NBEA: variants seen among roughly 807,000 people sequenced by gnomAD.
NBEA encodes neurobeachin, also known as lysosomal-trafficking regulator 2.
Under a neutral mutation model 343.4 loss-of-function variants are expected in NBEA, and 44 were observed. The ratio of observed to expected loss-of-function variants is 0.13; its 90% CI spans 0.10 to 0.16. The LOEUF (loss-of-function observed/expected upper bound fraction) is 0.16, where lower values mean the gene tolerates loss of function less well. Among genes scored for constraint, NBEA ranks in the 10% least tolerant of loss-of-function variants. The pLI, the probability that NBEA is intolerant of heterozygous loss-of-function variation, is 1.00. For missense variants in NBEA, 2,555 were observed against 3,631.3 expected (o/e 0.70, Z 7.62); for synonymous variants, 1,175 against 1,238.7 (o/e 0.95, Z 1.08).
intron 1 of NBEA, among the ~76,000 whole-genome samples, chr13:34,994,698 CTTG>C (rs2060880111): frequency 6.6e-6 from 1 of 152,120 alleles, no homozygotes; most frequent in Admixed American, 6.5e-5. Context: ...CACCAGGTAA[CTTG>C]TTGATAAGTT....
At chr13:35,563,984 G>C (rs2080012305) in intron 44 of NBEA, among the ~76,000 whole-genome samples, 1 of 151,892 alleles carries the variant, frequency 6.6e-6, no homozygotes, top group Non-Finnish European at 1.5e-5. Context: ...TTGTCACCCA[G>C]GTGATAAGCA....
At chr13:35,572,966 T>C (rs1489859792) in intron 45 of NBEA, among the ~76,000 whole-genome samples, 2 of 152,208 alleles carry the variant, frequency 1.3e-5, no homozygotes, top group East Asian at 3.8e-4. Flanking sequence ...GCAAAACTAC[T>C]AGGTGTGTTA....
chr13:35,601,792 A>AG (rs2082067662), intron 47 of NBEA, among the ~76,000 whole-genome samples: 1 of 149,074 alleles, frequency 6.7e-6, no homozygotes, highest in Non-Finnish European at 1.5e-5. Flanking sequence ...AAAAGAAAAA[A>AG]AAAAAGAATG....
At chr13:34,950,798 G>T (rs1336549932) in intron 1 of NBEA, among the ~76,000 whole-genome samples, 2 of 152,002 alleles carry the variant, frequency 1.3e-5, no homozygotes, top group Non-Finnish European at 2.9e-5. Context: ...TGATTAAAAA[G>T]AAATGACCAG....
intron 39 of NBEA, among the ~76,000 whole-genome samples, chr13:35,445,782 T>TTATATATATATATATATATA (rs71081255): frequency 3.5e-5 from 4 of 113,234 alleles, no homozygotes; most frequent in Admixed American, 1.1e-4. Flanking sequence ...ATATAAATGT[T>TTATATATATATATATATATA]TATATATATA....
chr13:35,188,470 A>G (rs145671463), intron 30 of NBEA, among the ~76,000 whole-genome samples: 16 of 152,280 alleles, frequency 1.1e-4, no homozygotes, highest in African/African-American at 1.4e-4. Context: ...AAGATTCCCT[A>G]TATAAGTAAA....
At chr13:35,659,368 T>C (rs572324509) in intron 55 of NBEA, among the ~76,000 whole-genome samples, 72 of 152,334 alleles carry the variant, frequency 4.7e-4, no homozygotes, top group Non-Finnish European at 9.4e-4. Flanking sequence ...CACTAAAATC[T>C]TCTCAAGATA....
intron 1 of NBEA, among the ~76,000 whole-genome samples, chr13:34,987,094 T>A (rs2060576656): frequency 6.6e-6 from 1 of 151,138 alleles, no homozygotes; most frequent in South Asian, 2.1e-4. Context: ...ATGCAGTTTC[T>A]TCCTAGCATT....
chr13:35,097,133 T>G (rs919461483), intron 10 of NBEA, among the ~76,000 whole-genome samples: 1 of 151,932 alleles, frequency 6.6e-6, no homozygotes, highest in Non-Finnish European at 1.5e-5. Context: ...GTTCTTGTTA[T>G]GAGAACATTT....
At chr13:35,046,491 T>C (rs1279109492) in intron 4 of NBEA, among the ~76,000 whole-genome samples, 1 of 152,112 alleles carries the variant, frequency 6.6e-6, no homozygotes, top group Non-Finnish European at 1.5e-5. Context: ...TCCCGCCTTA[T>C]CCATGGGGTA....
intron 34 of NBEA, among the ~76,000 whole-genome samples, chr13:35,283,845 TGTAAA>T (rs1204243720): frequency 6.6e-6 from 1 of 152,182 alleles, no homozygotes; most frequent in Non-Finnish European, 1.5e-5. Context: ...GTTTCAGAAT[TGTAAA>T]GTATCATGGA....
At chr13:35,416,496 T>C (rs540744490) in intron 38 of NBEA, among the ~76,000 whole-genome samples, 1 of 152,298 alleles carries the variant, frequency 6.6e-6, no homozygotes, top group Non-Finnish European at 1.5e-5. Flanking sequence ...GAGATAATCA[T>C]GTGGTTTTTG....
chr13:35,184,150 C>A (rs17051909), intron 30 of NBEA, 79 bp downstream of exon 30: 91,053 of 1,041,124 alleles, frequency 0.087, 4,778 homozygotes, highest in African/African-American at 0.17. Context: ...TCATGATATA[C>A]TTGTTTATAA....
At chr13:35,223,950 C>T (rs1337005969) in intron 33 of NBEA, among the ~76,000 whole-genome samples, 3 of 152,288 alleles carry the variant, frequency 2.0e-5, no homozygotes, top group South Asian at 2.1e-4. Flanking sequence ...TAGCATAATT[C>T]GGTTCTGTAT....
intron 41 of NBEA, among the ~76,000 whole-genome samples, chr13:35,522,531 G>A (rs1233048127): frequency 6.8e-6 from 1 of 147,406 alleles, no homozygotes; most frequent in Non-Finnish European, 1.5e-5. Context: ...GGGAGTCAGA[G>A]TCTGGAGGCA....
chr13:35,229,067 G>C (rs1245877564), intron 33 of NBEA, among the ~76,000 whole-genome samples: 4 of 152,128 alleles, frequency 2.6e-5, no homozygotes, highest in African/African-American at 9.7e-5. Context: ...GTCTTGCTCT[G>C]TTACCCAGGC....
At chr13:35,610,615 T>C (rs1413138854) in intron 48 of NBEA, among the ~76,000 whole-genome samples, 1 of 152,054 alleles carries the variant, frequency 6.6e-6, no homozygotes, top group African/African-American at 2.4e-5. Context: ...AAGAAACATA[T>C]AGGAGGAAAT....
intron 36 of NBEA, among the ~76,000 whole-genome samples, chr13:35,318,086 CT>C (rs201655994): frequency 0.03 from 4,533 of 152,192 alleles, 102 homozygotes; most frequent in Non-Finnish European, 0.045. Context: ...TTTGAATACG[CT>C]TTATTTCTTT....
intron 1 of NBEA, among the ~76,000 whole-genome samples, chr13:35,021,121 G>T (rs2061824201): frequency 6.6e-6 from 1 of 150,800 alleles, no homozygotes; most frequent in African/African-American, 2.4e-5. Context: ...TTTTTTTGGA[G>T]TTTTTTTTTC....
Sources: gnomAD v4.1 joint callset for allele counts (sites outside exome capture counted in the v4.1 genomes callset) on GRCh38, gnomAD v4.1.1 for gene constraint, MANE v1.5 for transcripts, NCBI Gene and HGNC (gene_info 2026-07-23, HGNC 2026-07-21) for gene names.